The following NCS1 variants were observed in gnomAD, a reference collection of about 807,000 sequenced individuals.
NCS1 encodes the protein frequenin homolog.
In NCS1, 6 loss-of-function variants were observed where a neutral mutation model predicts 28.4. The ratio of observed to expected loss-of-function variants is 0.21; its 90% confidence interval spans 0.12 to 0.42. The LOEUF (loss-of-function observed/expected upper bound fraction) is 0.42. Ranked by LOEUF, NCS1 falls within the 10% of genes least tolerant of loss-of-function variation. The probability of loss-of-function intolerance (pLI) is 1.00; values close to 1 mark genes in which losing one functional copy is unlikely to be tolerated. For synonymous variants in NCS1, 86 were observed against 99.3 expected (o/e 0.87, Z 0.79); for missense variants, 131 against 241.4 (o/e 0.54, Z 3.03).
At position 130,210,078 on chromosome 9, in the gene NCS1, C is replaced by T. The variant is rs146694460; in HGVS notation, c.90-7754C>T. Among the ~76,000 whole-genome samples the T allele has an allele frequency of 4.7e-3, 708 of 152,194 alleles. 10 individuals carry two copies. The highest frequency in any genetic ancestry group is 0.016 in the African/African-American group (675 of 41,532). ...GCAGTGAGGGGTCTTGGTACGTCCC[C>T]GCCCATGTACTAGGAGACTGGGTAT... On this transcript the variant is annotated intron_variant, in intron 2 of 7. Transcript: ENST00000372398.
chr9:130,208,042 A>T lies in NCS1; in HGVS notation c.89+7060A>T, dbSNP rs111875339. Among the ~76,000 whole-genome samples the T allele has an allele frequency of 9.7e-3, 1,469 of 152,150 alleles. 30 individuals are homozygous for T. The highest frequency in any genetic ancestry group is 0.032 in the African/African-American group (1,327 of 41,486). On this transcript the variant is annotated intron_variant, in intron 2 of 7. Coordinates refer to ENST00000372398, the MANE Select transcript of NCS1 (RefSeq NM_014286.4). ...ATGAGGGCTGCTTAAGAAATGGCAG[A>T]TCCCAGGCCTGTAAAGGTGACTGTG...
At chr9:130,230,771 C>T (rs906523796) in intron 7 of NCS1, among the ~76,000 whole-genome samples, 6 of 147,548 alleles carry the variant, frequency 4.1e-5, no homozygotes, top group Non-Finnish European at 5.9e-5. Flanking sequence ...TCCCCAGTTC[C>T]CTGCCAATCT....
chr9:130,223,532 A>T lies in NCS1; in HGVS notation c.474+373A>T, dbSNP rs139097908. The stretch of plus-strand genomic sequence containing the variant: ...GAAAACAGCTGTCAGAGTATTTTAA[A>T]AAAAGAATCTGTGATGTAGCGTTCT... On this transcript the variant is annotated intron_variant, in intron 6 of 7. Transcript: ENST00000372398. 1.3e-4 allele frequency among the ~76,000 whole-genome samples: 20 copies of T among 152,334 alleles called. No homozygotes were observed. The East Asian group carries it at 3.1e-3, about 23-fold the overall frequency.
intron 4 of NCS1, among the ~76,000 whole-genome samples, chr9:130,221,189 A>G (rs1833280613): frequency 1.3e-5 from 2 of 151,532 alleles, no homozygotes; most frequent in South Asian, 4.2e-4. Context: ...ACACCTGGCT[A>G]ATTTTTGTGT....
At chr9:130,193,173 C>T (rs554507029) in intron 1 of NCS1, among the ~76,000 whole-genome samples, 110 of 152,296 alleles carry the variant, frequency 7.2e-4, no homozygotes, top group Non-Finnish European at 9.0e-4. Flanking sequence ...GGGCAGAGCA[C>T]CCTATTCTCA....
intron 1 of NCS1, among the ~76,000 whole-genome samples, chr9:130,190,859 C>T (rs1299999402): frequency 2.6e-5 from 4 of 152,280 alleles, no homozygotes; most frequent in African/African-American, 7.2e-5. Context: ...CAGGGACCCC[C>T]GCCTGTCAGC....
Position 130,176,978 on chromosome 9 carries a change from G to C in NCS1, c.64+4251G>C, listed in dbSNP as rs562492525. Among the ~76,000 whole-genome samples the C allele has an allele frequency of 1.2e-4, 19 of 152,290 alleles. No homozygotes were observed. The South Asian group carries it at 3.9e-3, about 32-fold the overall frequency. On this transcript the variant is annotated intron_variant, in intron 1 of 7. Transcript: ENST00000372398. ...TCCTTCTCCTCCCCATGATGTTTGC[G>C]GTCCTTCCCAGGGACCCTCGGTCTG... is the stretch of plus-strand genomic sequence containing the variant.
intron 1 of NCS1, among the ~76,000 whole-genome samples, chr9:130,185,141 A>C (rs527925668): frequency 4.6e-5 from 7 of 151,882 alleles, no homozygotes; most frequent in Non-Finnish European, 1.0e-4. Context: ...TCCAGGGGGG[A>C]TGTCCTTGGG....
intron 1 of NCS1, chr9:130,200,663 T>G (rs1442442583): frequency 1.3e-6 from 2 of 1,551,762 alleles, no homozygotes; most frequent in Non-Finnish European, 1.7e-6. Flanking sequence ...AAGCAAACCC[T>G]TGAGTGCCAC....
At chr9:130,183,342 G>A (rs1389678579) in intron 1 of NCS1, among the ~76,000 whole-genome samples, 1 of 152,200 alleles carries the variant, frequency 6.6e-6, no homozygotes, top group Non-Finnish European at 1.5e-5. Flanking sequence ...GGGGTGCAGG[G>A]CAGTTGCTGG....
At chr9:130,227,286 CTCT>C (rs1348705243) in intron 7 of NCS1, among the ~76,000 whole-genome samples, 1 of 152,012 alleles carries the variant, frequency 6.6e-6, no homozygotes, top group Non-Finnish European at 1.5e-5. Flanking sequence ...TTTTTCCTGC[CTCT>C]TCTTTGTGGA....
chr9:130,174,632 G>A (rs1832535411), intron 1 of NCS1, among the ~76,000 whole-genome samples: 1 of 152,098 alleles, frequency 6.6e-6, no homozygotes, highest in African/African-American at 2.4e-5. Context: ...CCAACGTGGA[G>A]AAACCCCCAT....
intron 3 of NCS1, among the ~76,000 whole-genome samples, chr9:130,218,938 G>A (rs1833229356): frequency 6.6e-6 from 1 of 152,156 alleles, no homozygotes; most frequent in South Asian, 2.1e-4. Flanking sequence ...TGGGAGCTGG[G>A]TATTTTAATA....
chr9:130,185,943 G>A (rs1190629995), intron 1 of NCS1, among the ~76,000 whole-genome samples: 2 of 152,250 alleles, frequency 1.3e-5, no homozygotes, highest in African/African-American at 2.4e-5. Context: ...ATCGCTGAGC[G>A]AAGCCTGCCT....
chr9:130,187,348 C>T (rs982998510), intron 1 of NCS1, among the ~76,000 whole-genome samples: 1 of 152,124 alleles, frequency 6.6e-6, no homozygotes, highest in Non-Finnish European at 1.5e-5. Flanking sequence ...CCTGATGAGT[C>T]ACTCTGTGCC....
At chr9:130,220,305 C>A (rs1472007536) in intron 4 of NCS1, among the ~76,000 whole-genome samples, 2 of 152,288 alleles carry the variant, frequency 1.3e-5, no homozygotes, top group East Asian at 3.9e-4. Flanking sequence ...TGAATGCAGC[C>A]ACGTGTTGGT....
At position 130,212,903 on chromosome 9, in the gene NCS1, A is replaced by T. The variant is rs191302554; in HGVS notation, c.90-4929A>T. On this transcript the variant is annotated intron_variant, in intron 2 of 7. Transcript: ENST00000372398. The stretch of plus-strand genomic sequence containing the variant: ...CGTCAGGCTGGGACCATGGTGTGAA[A>T]TCCCAGCCTCACAGCTGTGATTTGC... Among the ~76,000 whole-genome samples the T allele has an allele frequency of 2.0e-4, 30 of 152,116 alleles. 1 individual carries two copies. The East Asian group carries it at 4.9e-3, about 25-fold the overall frequency.
At position 130,234,042 on chromosome 9, in the gene NCS1, C is replaced by G. The variant is rs1190415139; in HGVS notation, c.*1070C>G. 6.6e-6 allele frequency: 1 copy of G among 152,162 alleles called. No individual in the cohort carries two copies. Among genetic ancestry groups the G allele is most frequent in the Admixed American group, 6.5e-5 (1 of 15,274 alleles). 9.4% of individuals were successfully genotyped at this position (152,162 alleles called of 1,614,324 possible). A position where few individuals can be genotyped will look rare whatever the true frequency, so the allele number is the denominator to read the frequency against. Reference sequence around the variant, plus strand: ...TTGCCGCAGCATGGAAAACAGGGCGCCTAAGGCTGGGAGCTGGAAGAAGGG... The same window carrying G: ...TTGCCGCAGCATGGAAAACAGGGCGGCTAAGGCTGGGAGCTGGAAGAAGGG... On this transcript the variant is annotated 3_prime_UTR_variant, in exon 8 of 8. Coordinates refer to ENST00000372398, the MANE Select transcript of NCS1 (RefSeq NM_014286.4). This position sits in a 1 kb window ranked among gnomAD's most constrained non-coding sequence, Gnocchi z 6.1.
chr9:130,214,385 A>G (rs1244334471), intron 2 of NCS1, among the ~76,000 whole-genome samples: 1 of 152,238 alleles, frequency 6.6e-6, no homozygotes, highest in East Asian at 1.9e-4. Flanking sequence ...TGTCAGGACT[A>G]TCACAACCTG....
Sources: allele counts gnomAD v4.1 joint callset (sites outside exome capture counted in the v4.1 genomes callset), GRCh38; gene constraint gnomAD v4.1.1; non-coding constraint Gnocchi (gnomAD v3.1); transcripts MANE v1.5; gene names NCBI Gene and HGNC (gene_info 2026-07-23, HGNC 2026-07-21).